Variants in ATG2B observed in about 807,000 individuals in gnomAD.
ATG2B encodes the protein autophagy-related protein 2 homolog B.
In ATG2B, 121 loss-of-function variants were observed where a neutral mutation model predicts 241.3. The ratio of observed to expected loss-of-function variants is 0.50; its 90% CI spans 0.43 to 0.58. ATG2B has a LOEUF of 0.58. Ranked by LOEUF, ATG2B falls within the 20% of genes least tolerant of loss-of-function variation. The pLI is 0.00. For synonymous variants in ATG2B, 858 were observed against 876.6 expected, an observed-to-expected ratio of 0.98 and a Z score of 0.37; for missense variants, 2,306 against 2,491.6, an observed-to-expected ratio of 0.93 and a Z score of 1.59.
At chr14:96,358,520 C>G (rs1325589105) in intron 1 of ATG2B, among the ~76,000 whole-genome samples, 1 of 152,194 alleles carries the variant, frequency 6.6e-6, no homozygotes, top group Non-Finnish European at 1.5e-5. Flanking sequence ...CACCACTAAG[C>G]TACAAAATAA....
intron 34 of ATG2B, among the ~76,000 whole-genome samples, chr14:96,298,383 A>G (rs552811221): frequency 2.2e-4 from 34 of 152,232 alleles, no homozygotes; most frequent in Admixed American, 1.6e-3. Flanking sequence ...AGAGAGCTCA[A>G]CATATACTTA....
In ATG2B at chr14:96,315,506, T is replaced by C. The variant is rs1887284027; in HGVS notation, c.3439A>G (p.Ile1147Val). The change falls in exon 22 of 42, where the codon ATT becomes GTT. Residue 1147 changes from isoleucine (I) to valine (V), a missense_variant. Ile to Val is a conservative substitution (Grantham distance 29). Around this residue, in one of 2 missense-constraint regions of ATG2B, gnomAD observed 1,927 missense variants for 2,011.2 expected, o/e 0.96. Transcript: ENST00000359933. Reference sequence around the variant, plus strand: ...AGGCCATCTTCTTCAGAGGAATAAATAGTAGGTTCCAACCAGTGTGGGCGG... The same window carrying C: ...AGGCCATCTTCTTCAGAGGAATAAACAGTAGGTTCCAACCAGTGTGGGCGG... ...STRPHWLEPT[I>V]YSSEEDGLSK... The C allele has an allele frequency of 6.2e-7, 1 of 1,614,130 alleles. No homozygotes were observed. Among genetic ancestry groups the C allele is most frequent in the Non-Finnish European group, 8.5e-7 (1 of 1,180,006 alleles).
chr14:96,315,465 TGAA>T lies in ATG2B; in HGVS notation c.3477_3479del (p.Ser1160del), dbSNP rs748089292. 9 of 1,614,198 alleles carry T rather than the reference TGAA, an allele frequency of 5.6e-6. No individual in the cohort carries two copies. The highest frequency in any genetic ancestry group is 6.8e-6 in the Non-Finnish European group (8 of 1,180,016). On this transcript the variant is annotated inframe_deletion, in exon 22 of 42. Transcript: ENST00000359933. ...TCAAACTGTCTCCTCCAACTCCATCTGAAGAAGTTTTACTGAGGCCATCTTCTT... is the reference window on the plus strand; with the variant it reads ...TCAAACTGTCTCCTCCAACTCCATCTGAAGTTTTACTGAGGCCATCTTCTT...
In ATG2B at chr14:96,281,185, AC is replaced by A. The variant is rs1886189672; in HGVS notation, c.*4569del. On this transcript the variant is annotated 3_prime_UTR_variant, in exon 42 of 42. Coordinates refer to ENST00000359933, the MANE Select transcript of ATG2B (RefSeq NM_018036.7). ...ATAACAAGGTCTGAGGCAGATGTACACCCCACCCCAATAAGTATTTTACACA... is the reference window on the plus strand; with the variant it reads ...ATAACAAGGTCTGAGGCAGATGTACACCCACCCCAATAAGTATTTTACACA... 1 of 152,146 alleles carries A rather than the reference AC, an allele frequency of 6.6e-6. No individual in the cohort carries two copies. The highest frequency in any genetic ancestry group is 1.5e-5 in the Non-Finnish European group (1 of 68,034). The allele number at this position is 152,146 out of a possible 1,614,324, so 9.4% of individuals were successfully genotyped here.
At chr14:96,322,811 TAC>T in intron 16 of ATG2B, 76 bp from the exon 17 acceptor site, 1 of 1,162,710 alleles carries the variant, frequency 8.6e-7, no homozygotes, top group African/African-American at 1.5e-5. Context: ...TGCAAATTAA[TAC>T]ACACACCACT....
intron 6 of ATG2B, among the ~76,000 whole-genome samples, chr14:96,340,639 G>C (rs1053738213): frequency 6.6e-6 from 1 of 152,090 alleles, no homozygotes; most frequent in Non-Finnish European, 1.5e-5. Context: ...GGGTCCTGGT[G>C]AGGTGGCTCA....
chr14:96,326,422 T>C (rs993608481), intron 14 of ATG2B, among the ~76,000 whole-genome samples: 2 of 152,276 alleles, frequency 1.3e-5, no homozygotes, highest in Non-Finnish European at 2.9e-5. Context: ...GGCTGGCACA[T>C]CACAGGTTCT....
At chr14:96,326,025 T>G in intron 14 of ATG2B, 103 bp from the exon 15 acceptor site, 1 of 1,152,440 alleles carries the variant, frequency 8.7e-7, no homozygotes. Context: ...TCTCCCCATT[T>G]GGTATAATGC....
Position 96,292,170 on chromosome 14 carries a change from T to G in ATG2B, c.5427-72A>C, listed in dbSNP as rs1023686147. The G allele has an allele frequency of 4.2e-6, 4 of 944,968 alleles. No homozygotes were observed. The African/African-American group carries it at 6.7e-5, about 16-fold the overall frequency. 58.5% of individuals were successfully genotyped at this position (944,968 alleles called of 1,614,324 possible). ...TAGGTGAAATTAGATATAAATTAATTTGTTCAATTGGAGAATAAAAACAAA... is the reference window on the plus strand; with the variant it reads ...TAGGTGAAATTAGATATAAATTAATGTGTTCAATTGGAGAATAAAAACAAA... On this transcript the variant is annotated intron_variant, in intron 36 of 41. Transcript: ENST00000359933.
Position 96,363,301 on chromosome 14 carries a change from C to G in ATG2B, c.-325G>C, listed in dbSNP as rs1425829513. On this transcript the variant is annotated 5_prime_UTR_variant, in exon 1 of 42. Transcript: ENST00000359933. The stretch of plus-strand genomic sequence containing the variant: ...GGCAGCCACCGCCACTGCCGCCGCG[C>G]GACGAATTTGTTGTCATCCGCGAGG... 1 of 273,244 alleles carries G rather than the reference C, an allele frequency of 3.7e-6. No homozygotes were observed. Among genetic ancestry groups the G allele is most frequent in the East Asian group, 1.1e-4 (1 of 8,720 alleles). 16.9% of individuals were successfully genotyped at this position (273,244 alleles called of 1,614,324 possible). A position where few individuals can be genotyped will look rare whatever the true frequency, so the allele number is the denominator to read the frequency against.
Position 96,363,135 on chromosome 14 carries a change from G to T in ATG2B, c.-159C>A. On this transcript the variant is annotated 5_prime_UTR_variant, in exon 1 of 42. Coordinates refer to ENST00000359933, the MANE Select transcript of ATG2B (RefSeq NM_018036.7). Reference sequence around the variant, plus strand: ...GTCCCTCAGGGAGACCCCATCGCCGGCGCCGCACCGCTCGCGCTGGGCCTG... The same window carrying T: ...GTCCCTCAGGGAGACCCCATCGCCGTCGCCGCACCGCTCGCGCTGGGCCTG... The T allele has an allele frequency of 1.4e-6, 1 of 738,906 alleles. No homozygotes were observed. 45.8% of individuals were successfully genotyped at this position (738,906 alleles called of 1,614,324 possible).
rs146008858 is a variant in ATG2B at position 96,279,328 on chromosome 14, G to A, written c.*6427C>T. 9.7e-4 allele frequency: 148 copies of A among 152,182 alleles called. No homozygotes were observed. Among genetic ancestry groups the A allele is most frequent in the African/African-American group, 3.2e-3 (132 of 41,506 alleles). The allele number at this position is 152,182 out of a possible 1,614,324, so 9.4% of individuals were successfully genotyped here. A position where few individuals can be genotyped will look rare whatever the true frequency, so the allele number is the denominator to read the frequency against. On this transcript the variant is annotated 3_prime_UTR_variant, in exon 42 of 42. Coordinates refer to ENST00000359933, the MANE Select transcript of ATG2B (RefSeq NM_018036.7). ...TGTAAGTAGTAATCATGTGATCTTG[G>A]GCAAAGAATTTCCCCTCTCCGGGCT... is the stretch of plus-strand genomic sequence containing the variant.
At position 96,306,826 on chromosome 14, in the gene ATG2B, G is replaced by C; in HGVS notation, c.4394C>G (p.Ser1465Cys). 1 of 1,614,050 alleles carries C rather than the reference G, an allele frequency of 6.2e-7. No homozygotes were observed. The highest frequency in any genetic ancestry group is 8.5e-7 in the Non-Finnish European group (1 of 1,180,002). ...PDESGNVSQE[S>C]GPTYASFSHH... ...AGAGAATGAGGCATAGGTGGGGCCG[G>C]ACTCCTGGGATACATTCCCACTCTC... Residue 1465 changes from serine to cysteine, a missense_variant, in exon 30 of 42, where the codon TCC becomes TGC. Around this residue, in one of 2 missense-constraint regions of ATG2B, gnomAD observed 1,927 missense variants for 2,011.2 expected, o/e 0.96. Coordinates refer to ENST00000359933, the MANE Select transcript of ATG2B (RefSeq NM_018036.7).
chr14:96,330,800 T>C (rs1887711947), intron 11 of ATG2B, among the ~76,000 whole-genome samples: 1 of 151,972 alleles, frequency 6.6e-6, no homozygotes, highest in Non-Finnish European at 1.5e-5. Context: ...AAACCAACTA[T>C]ATTACAAATT....
intron 1 of ATG2B, among the ~76,000 whole-genome samples, chr14:96,354,803 ATTG>A (rs1450794112): frequency 2.0e-5 from 3 of 151,710 alleles, no homozygotes; most frequent in Non-Finnish European, 2.9e-5. Flanking sequence ...TTTTGTTGTT[ATTG>A]TTGTTGTTTT....
chr14:96,315,133 C>A (rs747110725), intron 23 of ATG2B, 21 bp downstream of exon 23: 3 of 1,580,036 alleles, frequency 1.9e-6, no homozygotes, highest in Middle Eastern at 1.7e-4. Flanking sequence ...TAAATTAATA[C>A]ATATATAACA....
At position 96,363,160 on chromosome 14, in the gene ATG2B, G is replaced by A. The variant is rs1037653432; in HGVS notation, c.-184C>T. 7 of 630,430 alleles carry A rather than the reference G, an allele frequency of 1.1e-5. No homozygotes were observed. In the African/African-American group the frequency reaches 1.3e-4, roughly 12 times the overall value. The allele number at this position is 630,430 out of a possible 1,614,324, so 39.1% of individuals were successfully genotyped here. A position where few individuals can be genotyped will look rare whatever the true frequency, so the allele number is the denominator to read the frequency against. On this transcript the variant is annotated 5_prime_UTR_variant, in exon 1 of 42. Coordinates refer to ENST00000359933, the MANE Select transcript of ATG2B (RefSeq NM_018036.7). ...GCGCCGCACCGCTCGCGCTGGGCCT[G>A]GCGGAGGCAAGACGCAGAGGGGTCC...
Position 96,307,777 on chromosome 14 carries a change from G to T in ATG2B, c.4304-861C>A, listed in dbSNP as rs117015527. Among the ~76,000 whole-genome samples, 648 of 152,192 alleles carry T rather than the reference G, an allele frequency of 4.3e-3. 26 individuals carry two copies. In the South Asian group the frequency reaches 0.067, roughly 16 times the overall value. ...TATGAAAAGAAGACCTCTTCCTGGG[G>T]CCTGGGATACCCAAACTGGATACCT... is the stretch of plus-strand genomic sequence containing the variant. On this transcript the variant is annotated intron_variant, in intron 29 of 41. Transcript: ENST00000359933.
At chr14:96,295,727 C>CACA (rs148889627) in intron 34 of ATG2B, among the ~76,000 whole-genome samples, 167 bp from the exon 35 acceptor site, 1 of 145,758 alleles carries the variant, frequency 6.9e-6, no homozygotes, top group Admixed American at 6.8e-5. Flanking sequence ...CTTCCCCCCA[C>CACA]CACACACACA....
Sources: allele counts gnomAD v4.1 joint callset (sites outside exome capture counted in the v4.1 genomes callset), GRCh38; gene constraint gnomAD v4.1.1; regional missense constraint gnomAD v4.1.1; transcripts MANE v1.5; gene names NCBI Gene and HGNC (gene_info 2026-07-23, HGNC 2026-07-21).